BRCA2: variants seen among roughly 807,000 people sequenced by gnomAD.
BRCA2 encodes the protein BRCA2 DNA repair associated.
BRCA2 carries 203 observed loss-of-function variants against 276.7 expected under a neutral mutation model. The observed-to-expected ratio is 0.73, with a 90% confidence interval of 0.65 to 0.82. The LOEUF (loss-of-function observed/expected upper bound fraction) is 0.82. Among genes scored for constraint, BRCA2 ranks in the 40% least tolerant of loss-of-function variants. The pLI is 0.00. For synonymous variants in BRCA2, 1,289 were observed against 1,338.4 expected (o/e 0.96, Z 0.81); for missense variants, 3,920 against 3,915.0 (o/e 1.00, Z -0.03).
chr13:32,392,534 G>T (rs1336216174), intron 24 of BRCA2, among the ~76,000 whole-genome samples: 1 of 150,492 alleles, frequency 6.6e-6, no homozygotes, highest in African/African-American at 2.4e-5. Context: ...GGGCTGCGGT[G>T]ACCCAAGATT....
rs2137577205 is a variant in BRCA2 at position 32,362,613 on chromosome 13, A to T, written c.7896A>T (p.Ala2632=). 1 of 1,614,240 alleles carries T rather than the reference A, an allele frequency of 6.2e-7. No individual in the cohort carries two copies. ...ATAGATGGATCATATGGAAACTGGC[A>T]GCTATGGAATGTGCCTTTCCTAAGG... ...NHYRWIIWKL[A]AMECAFPKEF... Residue 2632 remains alanine (A), a synonymous_variant, in exon 17 of 27, where the codon GCA becomes GCT. Coordinates refer to ENST00000380152, the MANE Select transcript of BRCA2 (RefSeq NM_000059.4).
chr13:32,341,802 A>C (rs2137532468), intron 11 of BRCA2, among the ~76,000 whole-genome samples: 1 of 150,804 alleles, frequency 6.6e-6, no homozygotes, highest in Non-Finnish European at 1.5e-5. Context: ...TGGGAGGCGG[A>C]GCTTGCAGTG....
rs81002834 is a variant in BRCA2 at position 32,326,300 on chromosome 13, T to C, written c.516+18T>C. The C allele has an allele frequency of 6.5e-5, 104 of 1,607,078 alleles. 1 individual carries two copies. In the East Asian group the frequency reaches 1.8e-3, roughly 28 times the overall value. The stretch of plus-strand genomic sequence containing the variant: ...TTGTGAAGGTAAATATTCTACCTGG[T>C]TTATTTTTATGACTTAGTAATTGAG... On this transcript the variant is annotated intron_variant, in intron 6 of 26. Transcript: ENST00000380152.
chr13:32,340,909 C>T lies in BRCA2; in HGVS notation c.6554C>T (p.Ala2185Val), dbSNP rs980859921. Residue 2185 changes from alanine to valine, a missense_variant, in exon 11 of 27, where the codon GCT becomes GTT. Ala to Val is a moderately conservative substitution (Grantham distance 64). Around this residue, in one of 2 missense-constraint regions of BRCA2, gnomAD observed 3,263 missense variants for 3,156.9 expected, o/e 1.03. Coordinates refer to ENST00000380152, the MANE Select transcript of BRCA2 (RefSeq NM_000059.4). ...ATTCATGTTTTGGGAAAAGAACAGG[C>T]TTCACCTAAAAACGTAAAAATGGAA... is the stretch of plus-strand genomic sequence containing the variant. ...ENIHVLGKEQ[A>V]SPKNVKMEIG... 3 of 1,609,938 alleles carry T rather than the reference C, an allele frequency of 1.9e-6. No individual in the cohort carries two copies. Among genetic ancestry groups the T allele is most frequent in the Admixed American group, 3.4e-5 (2 of 59,110 alleles).
At chr13:32,327,149 A>G (rs891280121) in intron 7 of BRCA2, among the ~76,000 whole-genome samples, 7 of 152,206 alleles carry the variant, frequency 4.6e-5, no homozygotes, top group African/African-American at 1.7e-4. Context: ...TAGGATCTAG[A>G]AATATTTCCT....
At chr13:32,355,508 C>T (rs1345475645) in intron 14 of BRCA2, among the ~76,000 whole-genome samples, 1 of 152,150 alleles carries the variant, frequency 6.6e-6, no homozygotes, top group African/African-American at 2.4e-5. Flanking sequence ...GACACACAAT[C>T]TAGGACTGCT....
intron 24 of BRCA2, among the ~76,000 whole-genome samples, chr13:32,382,960 A>T (rs1307590401): frequency 6.6e-6 from 1 of 152,224 alleles, no homozygotes; most frequent in Admixed American, 6.5e-5. Flanking sequence ...GTAGGTATAG[A>T]TACCAATGGA....
chr13:32,399,110 G>A lies in BRCA2; in HGVS notation c.*340G>A, dbSNP rs2137669747. On this transcript the variant is annotated 3_prime_UTR_variant, in exon 27 of 27. Coordinates refer to ENST00000380152, the MANE Select transcript of BRCA2 (RefSeq NM_000059.4). ...GAGGCCAGGAGTTCAAGACCAGCCT[G>A]GGCAACATAGGGAGACCCCCATCTT... The A allele has an allele frequency of 3.9e-6, 1 of 257,676 alleles. No homozygotes were observed. Among genetic ancestry groups the A allele is most frequent in the East Asian group, 6.1e-5 (1 of 16,416 alleles). The allele number at this position is 257,676 out of a possible 1,614,324, so 16.0% of individuals were successfully genotyped here. A position where few individuals can be genotyped will look rare whatever the true frequency, so the allele number is the denominator to read the frequency against.
rs906185271 is a variant in BRCA2 at position 32,399,727 on chromosome 13, A to G, written c.*957A>G. 3.6e-5 allele frequency: 6 copies of G among 167,334 alleles called. No individual in the cohort carries two copies. The highest frequency in any genetic ancestry group is 1.4e-4 in the African/African-American group (6 of 41,792). 10.4% of individuals were successfully genotyped at this position (167,334 alleles called of 1,614,324 possible). A position where few individuals can be genotyped will look rare whatever the true frequency, so the allele number is the denominator to read the frequency against. ...GGACCCAGAGCCTATGCCCTTTTAA[A>G]CTTACCACAAAAGCAGAAGATTAAT... On this transcript the variant is annotated 3_prime_UTR_variant, in exon 27 of 27. Coordinates refer to ENST00000380152, the MANE Select transcript of BRCA2 (RefSeq NM_000059.4).
In BRCA2 at chr13:32,316,489, C is replaced by A. The variant is rs1057519494; in HGVS notation, c.29C>A (p.Thr10Lys). The change falls in exon 2 of 27, where the codon ACA (threonine) becomes AAA (lysine). Residue 10 changes from threonine (T) to lysine (K), a missense_variant. Physicochemically the swap from Thr to Lys is moderately conservative, Grantham distance 78. Around this residue, in one of 2 missense-constraint regions of BRCA2, gnomAD observed 3,263 missense variants for 3,156.9 expected, o/e 1.03. Transcript: ENST00000380152. ...CCTATTGGATCCAAAGAGAGGCCAA[C>A]ATTTTTTGAAATTTTTAAGACACGC... MPIGSKERP[T>K]FFEIFKTRCN... 1.2e-6 allele frequency: 2 copies of A among 1,614,002 alleles called. No individual in the cohort carries two copies. The highest frequency in any genetic ancestry group is 3.3e-5 in the Admixed American group (2 of 60,014).
Position 32,319,069 on chromosome 13 carries a change from T to A in BRCA2, c.68-8T>A, listed in dbSNP as rs1261890126. 3.7e-6 allele frequency: 6 copies of A among 1,612,140 alleles called. No individual in the cohort carries two copies. Among genetic ancestry groups the A allele is most frequent in the Admixed American group, 3.3e-5 (2 of 59,860 alleles). Reference sequence around the variant, plus strand: ...TTAAAACTAAGGTGGGATTTTTTTTTTAAATAGATTTAGGACCAATAAGTC... The same window carrying A: ...TTAAAACTAAGGTGGGATTTTTTTTATAAATAGATTTAGGACCAATAAGTC... On this transcript the variant is annotated splice_polypyrimidine_tract_variant and splice_region_variant and intron_variant, in intron 2 of 26. Transcript: ENST00000380152.
chr13:32,392,242 A>T (rs1357954126), intron 24 of BRCA2, among the ~76,000 whole-genome samples: 3 of 152,242 alleles, frequency 2.0e-5, no homozygotes, highest in Non-Finnish European at 4.4e-5. Context: ...CAACGGATAC[A>T]TAATTCTCAG....
Position 32,332,979 on chromosome 13 carries a change from A to G in BRCA2, c.1501A>G (p.Ile501Val), listed in dbSNP as rs1555281924. ...TSPVASSFQG[I>V]KKSIFRIRES... Reference sequence around the variant, plus strand: ...TCCAGTGGCTTCTTCATTTCAGGGTATCAAAAAGTCTATATTCAGAATAAG... The same window carrying G: ...TCCAGTGGCTTCTTCATTTCAGGGTGTCAAAAAGTCTATATTCAGAATAAG... The change falls in exon 10 of 27, where the codon ATC becomes GTC. Residue 501 changes from isoleucine to valine, a missense_variant. Physicochemically the swap from Ile to Val is conservative, Grantham distance 29. Transcript: ENST00000380152. 6.3e-7 allele frequency: 1 copy of G among 1,595,636 alleles called. No homozygotes were observed. The highest frequency in any genetic ancestry group is 8.5e-7 in the Non-Finnish European group (1 of 1,175,494).
At chr13:32,367,557 AC>A (rs1231784863) in intron 18 of BRCA2, among the ~76,000 whole-genome samples, 1 of 138,866 alleles carries the variant, frequency 7.2e-6, no homozygotes, top group Non-Finnish European at 1.6e-5. Flanking sequence ...TAATTGCAGT[AC>A]TTTGGGAGGC....
Position 32,339,853 on chromosome 13 carries a change from A to G in BRCA2, c.5498A>G (p.Asn1833Ser), listed in dbSNP as rs587782601. ...GCAGCCATTAAATTGTCCATATCTA[A>G]TAGTAATAATTTTGAGGTAGGGCCA... Reference protein sequence around the residue: ...KNAAIKLSISNSNNFEVGPPA... With the variant: ...KNAAIKLSISSSNNFEVGPPA... The change falls in exon 11 of 27, where the codon AAT (asparagine) becomes AGT (serine). Residue 1833 changes from asparagine (N) to serine (S), a missense_variant. Asn to Ser is a conservative substitution (Grantham distance 46). This residue lies in a region of BRCA2 where 3,263 missense variants were observed against 3,156.9 expected (regional missense o/e 1.03). Coordinates refer to ENST00000380152, the MANE Select transcript of BRCA2 (RefSeq NM_000059.4). The G allele has an allele frequency of 1.4e-5, 22 of 1,613,278 alleles. No individual in the cohort carries two copies. The African/African-American group carries it at 2.9e-4, about 22-fold the overall frequency.
At position 32,337,251 on chromosome 13, in the gene BRCA2, ACT is replaced by A. The variant is rs80359361; in HGVS notation, c.2899_2900del (p.Leu967ArgfsTer14). Reference sequence around the variant, plus strand: ...TAGTGTAAAGCAGCATATAAAAATGACTCTAGGTCAAGATTTAAAATCGGACA... The same window carrying A: ...TAGTGTAAAGCAGCATATAAAAATGACTAGGTCAAGATTTAAAATCGGACA... Reference protein sequence around the residue: ...KNSVKQHIKMTLGQDLKSDIS... With the variant: ...KNSVKQHIKMXLGQDLKSDIS... On this transcript the variant is annotated frameshift_variant, in exon 11 of 27. Transcript: ENST00000380152. LOFTEE classifies it high-confidence loss of function. 1 of 1,611,320 alleles carries A rather than the reference ACT, an allele frequency of 6.2e-7. No individual in the cohort carries two copies. Among genetic ancestry groups the A allele is most frequent in the Non-Finnish European group, 8.5e-7 (1 of 1,179,200 alleles).
chr13:32,379,456 A>T lies in BRCA2; in HGVS notation c.8894A>T (p.Asp2965Val), dbSNP rs767481384. The change falls in exon 22 of 27, where the codon GAT becomes GTT. Residue 2965 changes from aspartate to valine, a missense_variant. Physicochemically the swap from Asp to Val is radical, Grantham distance 152 (BLOSUM62 -3). This residue lies in a region of BRCA2 where 657 missense variants were observed against 758.2 expected (regional missense o/e 0.87). Transcript: ENST00000380152. Reference sequence around the variant, plus strand: ...CAAAAGGAACAAGGTTTATCAAGGGATGTCACAACCGTGTGGAAGTTGCGT... The same window carrying T: ...CAAAAGGAACAAGGTTTATCAAGGGTTGTCACAACCGTGTGGAAGTTGCGT... ...AEQKEQGLSR[D>V]VTTVWKLRIV... 3 of 1,613,512 alleles carry T rather than the reference A, an allele frequency of 1.9e-6. No individual in the cohort carries two copies. Among genetic ancestry groups the T allele is most frequent in the African/African-American group, 1.3e-5 (1 of 75,006 alleles).
chr13:32,326,338 G>A (rs1566219075), intron 6 of BRCA2, 56 bp downstream of exon 6: 2 of 1,565,530 alleles, frequency 1.3e-6, no homozygotes, highest in Non-Finnish European at 1.8e-6. Flanking sequence ...TTTGACAATA[G>A]CGTTATACCT....
chr13:32,321,267 C>T (rs937534390), intron 3 of BRCA2, among the ~76,000 whole-genome samples: 7 of 152,130 alleles, frequency 4.6e-5, no homozygotes, highest in African/African-American at 1.2e-4. Context: ...GCAACCTGCT[C>T]GGCATTAAGG....
Sources: allele counts gnomAD v4.1 joint callset (sites outside exome capture counted in the v4.1 genomes callset), GRCh38; gene constraint gnomAD v4.1.1; regional missense constraint gnomAD v4.1.1; transcripts MANE v1.5; gene names NCBI Gene and HGNC (gene_info 2026-07-23, HGNC 2026-07-21).